DLGAP2: variants seen among roughly 807,000 people sequenced by gnomAD.
DLGAP2 encodes the protein disks large-associated protein 2.
In DLGAP2, 26 loss-of-function variants were observed where a neutral mutation model predicts 100.3. That is an observed-to-expected ratio of 0.26 (90% CI 0.19 to 0.36). The LOEUF (loss-of-function observed/expected upper bound fraction) is 0.36, where lower values mean the gene tolerates loss of function less well. Ranked by LOEUF, DLGAP2 falls within the 10% of genes least tolerant of loss-of-function variation. DLGAP2 has a pLI of 1.00. For missense variants in DLGAP2, 1,858 were observed against 1,453.2 expected, an observed-to-expected ratio of 1.28 and a Z score of -4.53; for synonymous variants, 886 against 630.1, an observed-to-expected ratio of 1.41 and a Z score of -6.08.
intron 1 of DLGAP2, among the ~76,000 whole-genome samples, chr8:803,098 T>C (rs1796203235): frequency 6.6e-6 from 1 of 152,164 alleles, no homozygotes; most frequent in Non-Finnish European, 1.5e-5. Context: ...TGGCGGCTTC[T>C]GGGCTCCGTG....
At chr8:921,374 CTGTTGCAG>C (rs1798710628) in intron 2 of DLGAP2, among the ~76,000 whole-genome samples, 1 of 152,158 alleles carries the variant, frequency 6.6e-6, no homozygotes. Context: ...CCCGACCTCC[CTGTTGCAG>C]TGTTGAGTGG....
chr8:1,231,182 A>T (rs1305612204), intron 2 of DLGAP2, among the ~76,000 whole-genome samples: 1 of 152,204 alleles, frequency 6.6e-6, no homozygotes, highest in East Asian at 1.9e-4. Flanking sequence ...TGGACAAAAG[A>T]CATAAACAGA....
At chr8:747,299 C>G (rs1052204570) in intron 1 of DLGAP2, among the ~76,000 whole-genome samples, 1 of 152,070 alleles carries the variant, frequency 6.6e-6, no homozygotes, top group Admixed American at 6.6e-5. Context: ...ATAAAGCAGA[C>G]AGGGAAGGAG....
At chr8:1,246,171 T>G (rs1490398853) in intron 2 of DLGAP2, among the ~76,000 whole-genome samples, 2 of 152,214 alleles carry the variant, frequency 1.3e-5, no homozygotes, top group African/African-American at 2.4e-5. Flanking sequence ...TCCATAGCCC[T>G]TGGTCAAATT....
intron 12 of DLGAP2, among the ~76,000 whole-genome samples, chr8:1,690,844 C>A (rs1393076227): frequency 1.3e-5 from 2 of 151,878 alleles, no homozygotes; most frequent in African/African-American, 4.8e-5. Flanking sequence ...GTAGCGTTAG[C>A]ATTACACATA....
intron 1 of DLGAP2, among the ~76,000 whole-genome samples, chr8:897,315 G>A (rs559503774): frequency 6.6e-6 from 1 of 152,298 alleles, no homozygotes; most frequent in Non-Finnish European, 1.5e-5. Context: ...TTTGCTGGAT[G>A]CATGTTTTAA....
intron 1 of DLGAP2, among the ~76,000 whole-genome samples, chr8:886,772 A>G (rs1797931888): frequency 1.3e-5 from 2 of 152,194 alleles, no homozygotes; most frequent in South Asian, 4.1e-4. Context: ...TTTGCTGAGG[A>G]GTGTTTTACT....
chr8:1,110,440 C>G lies in DLGAP2; in HGVS notation c.74-148411C>G, dbSNP rs117550486. Reference sequence around the variant, plus strand: ...CTGAGAGGTGTGCATGGGTCTGTGACACGTGCTGGGTCTGTGGGGTGTGCA... The same window carrying G: ...CTGAGAGGTGTGCATGGGTCTGTGAGACGTGCTGGGTCTGTGGGGTGTGCA... On this transcript the variant is annotated intron_variant, in intron 2 of 14. Transcript: ENST00000637795. 6.4e-4 allele frequency among the ~76,000 whole-genome samples: 92 copies of G among 143,332 alleles called. 1 individual carries two copies. In the East Asian group the frequency reaches 0.019, roughly 30 times the overall value. The allele number at this position is 143,332 out of a possible 152,430, so 94.0% of individuals were successfully genotyped here.
chr8:1,564,002 C>G (rs1011878526), intron 5 of DLGAP2, among the ~76,000 whole-genome samples: 7 of 152,182 alleles, frequency 4.6e-5, no homozygotes, highest in Non-Finnish European at 7.4e-5. Flanking sequence ...TCTCTGTAAA[C>G]AGCATTTGGG....
chr8:1,446,901 A>G (rs1466984505), intron 3 of DLGAP2, among the ~76,000 whole-genome samples: 10 of 152,046 alleles, frequency 6.6e-5, no homozygotes, highest in Admixed American at 1.3e-4. Context: ...TTTGCCTGTT[A>G]TTGGTGTATA....
chr8:1,602,697 A>C (rs1336599698), intron 6 of DLGAP2, among the ~76,000 whole-genome samples: 1 of 152,192 alleles, frequency 6.6e-6, no homozygotes, highest in Admixed American at 6.5e-5. Context: ...ACAGCAGTTT[A>C]TTCATTCATT....
intron 3 of DLGAP2, among the ~76,000 whole-genome samples, chr8:1,410,561 C>G (rs1212818020): frequency 6.6e-6 from 1 of 152,202 alleles, no homozygotes; most frequent in African/African-American, 2.4e-5. Context: ...CGAGTTAAAG[C>G]AAAAGCATCA....
rs1311752005 is a variant in DLGAP2 at position 1,389,240 on chromosome 8, A to G, written c.107-112126A>G. ...AATGGGAGGAGCGGTACTCTGGAGGAGGAGGATTGGAAGGCGACGTGGCTT... is the reference window on the plus strand; with the variant it reads ...AATGGGAGGAGCGGTACTCTGGAGGGGGAGGATTGGAAGGCGACGTGGCTT... On this transcript the variant is annotated intron_variant, in intron 3 of 14. Transcript: ENST00000637795. 2.7e-5 allele frequency among the ~76,000 whole-genome samples: 4 copies of G among 147,338 alleles called. No individual in the cohort carries two copies. In the South Asian group the frequency reaches 6.3e-4, roughly 23 times the overall value.
At chr8:1,203,341 C>A (rs1797921421) in intron 2 of DLGAP2, among the ~76,000 whole-genome samples, 1 of 151,892 alleles carries the variant, frequency 6.6e-6, no homozygotes, top group Non-Finnish European at 1.5e-5. Context: ...AGGCCACCCA[C>A]CCCTCGGTGT....
chr8:846,612 C>T (rs1291751810), intron 1 of DLGAP2, among the ~76,000 whole-genome samples: 1 of 152,174 alleles, frequency 6.6e-6, no homozygotes, highest in Non-Finnish European at 1.5e-5. Context: ...GTGCAGAGAT[C>T]TCTTTGACAC....
intron 3 of DLGAP2, among the ~76,000 whole-genome samples, chr8:1,498,192 G>C (rs1799605517): frequency 6.6e-6 from 1 of 152,234 alleles, no homozygotes; most frequent in Non-Finnish European, 1.5e-5. Flanking sequence ...GAAGATAAGG[G>C]GTTGTGGAGA....
At chr8:771,654 T>C (rs1381524690) in intron 1 of DLGAP2, among the ~76,000 whole-genome samples, 1 of 152,248 alleles carries the variant, frequency 6.6e-6, no homozygotes, top group Non-Finnish European at 1.5e-5. Context: ...CCTACCTTGC[T>C]ACCCAGAGAC....
chr8:1,185,414 G>A (rs75774322), intron 2 of DLGAP2, among the ~76,000 whole-genome samples: 5,441 of 152,096 alleles, frequency 0.036, 129 homozygotes, highest in East Asian at 0.15. Flanking sequence ...CCCTAAGGCC[G>A]GTCAGCTTTG....
chr8:1,067,105 C>T (rs1803278325), intron 2 of DLGAP2, among the ~76,000 whole-genome samples: 1 of 152,152 alleles, frequency 6.6e-6, no homozygotes, highest in African/African-American at 2.4e-5. Context: ...GGCTCTGACC[C>T]AGCCTCTCCG....
Sources: gnomAD v4.1 joint callset for allele counts (sites outside exome capture counted in the v4.1 genomes callset) on GRCh38, gnomAD v4.1.1 for gene constraint, MANE v1.5 for transcripts, NCBI Gene and HGNC (gene_info 2026-07-23, HGNC 2026-07-21) for gene names.